The following KIAA0825 variants were observed in gnomAD, a reference collection of about 807,000 sequenced individuals.
KIAA0825 encodes KIAA0825, also known as uncharacterized protein KIAA0825.
KIAA0825 carries 119 observed loss-of-function variants against 147.6 expected under a neutral mutation model. That is an observed-to-expected ratio of 0.81 (90% confidence interval 0.69 to 0.94). The LOEUF (loss-of-function observed/expected upper bound fraction) is 0.94. KIAA0825 is among the 40% of genes least tolerant of loss of function. KIAA0825 has a pLI of 0.00. For synonymous variants in KIAA0825, 470 were observed against 518.1 expected (o/e 0.91, Z 1.26); for missense variants, 1,381 against 1,472.7 (o/e 0.94, Z 1.02).
At chr5:94,546,632 C>T (rs1049843587) in intron 2 of KIAA0825, among the ~76,000 whole-genome samples, 11 of 151,564 alleles carry the variant, frequency 7.3e-5, no homozygotes, top group African/African-American at 2.7e-4. Flanking sequence ...CAAAGATTAC[C>T]AAGGTGGTAC....
chr5:94,569,639 G>A (rs1052914077), intron 2 of KIAA0825: 13 of 359,724 alleles, frequency 3.6e-5, no homozygotes, highest in South Asian at 1.5e-4. Context: ...ATGAAACCTC[G>A]GCTCACTTCT....
At chr5:94,249,990 G>T (rs539934374) in intron 20 of KIAA0825, among the ~76,000 whole-genome samples, 2 of 152,126 alleles carry the variant, frequency 1.3e-5, no homozygotes, top group East Asian at 1.9e-4. Context: ...GAACAAACTA[G>T]ATTATTTACA....
chr5:94,499,979 C>T (rs1764873075), intron 5 of KIAA0825, among the ~76,000 whole-genome samples: 2 of 152,126 alleles, frequency 1.3e-5, no homozygotes, highest in Non-Finnish European at 2.9e-5. Flanking sequence ...AGAAATGACA[C>T]ATGAGCTGTC....
chr5:94,613,264 G>A lies in KIAA0825; in HGVS notation c.-153+5236C>T, dbSNP rs185439229. ...GGTTGGAGTGCGGTGACATGATCTC[G>A]GTTCACTGCAACATCCACCACCCGG... On this transcript the variant is annotated intron_variant, in intron 1 of 20. Transcript: ENST00000682413. Among the ~76,000 whole-genome samples the A allele has an allele frequency of 3.3e-5, 5 of 152,074 alleles. No homozygotes were observed. In the South Asian group the frequency reaches 6.2e-4, roughly 19 times the overall value.
At chr5:94,378,359 G>A (rs1372105470) in intron 20 of KIAA0825, among the ~76,000 whole-genome samples, 1 of 152,118 alleles carries the variant, frequency 6.6e-6, no homozygotes, top group Non-Finnish European at 1.5e-5. Context: ...AGCAGTATTT[G>A]GTTTTCTGTT....
intron 20 of KIAA0825, among the ~76,000 whole-genome samples, chr5:94,216,571 T>C (rs1436962170): frequency 6.6e-6 from 1 of 152,122 alleles, no homozygotes; most frequent in Non-Finnish European, 1.5e-5. Context: ...GACCCAGGGC[T>C]CCCGTTCATA....
At chr5:94,301,385 A>T (rs1778393970) in intron 20 of KIAA0825, among the ~76,000 whole-genome samples, 2 of 150,086 alleles carry the variant, frequency 1.3e-5, no homozygotes, top group Admixed American at 6.7e-5. Flanking sequence ...CTAATAAATA[A>T]ATATATATAT....
At chr5:94,334,087 A>G (rs569561607) in intron 20 of KIAA0825, among the ~76,000 whole-genome samples, 1 of 152,286 alleles carries the variant, frequency 6.6e-6, no homozygotes, top group South Asian at 2.1e-4. Flanking sequence ...TCTTCACAGA[A>G]TTAGAAGGAA....
At chr5:94,337,735 G>C (rs1023663516) in intron 20 of KIAA0825, among the ~76,000 whole-genome samples, 8 of 152,168 alleles carry the variant, frequency 5.3e-5, no homozygotes, top group Admixed American at 2.0e-4. Flanking sequence ...GGCCATGACA[G>C]GCTGGGGCAT....
At chr5:94,370,749 A>T (rs1024100028) in intron 20 of KIAA0825, among the ~76,000 whole-genome samples, 1 of 152,192 alleles carries the variant, frequency 6.6e-6, no homozygotes, top group Non-Finnish European at 1.5e-5. Flanking sequence ...TACTAAAAAA[A>T]TACAAAAAAA....
intron 5 of KIAA0825, among the ~76,000 whole-genome samples, chr5:94,500,051 G>A (rs1456002820): frequency 1.3e-5 from 2 of 152,116 alleles, no homozygotes; most frequent in East Asian, 1.9e-4. Flanking sequence ...TGGCACACGC[G>A]ACATCATGAG....
chr5:94,576,865 A>T (rs1781147255), intron 2 of KIAA0825, among the ~76,000 whole-genome samples: 1 of 152,208 alleles, frequency 6.6e-6, no homozygotes, highest in South Asian at 2.1e-4. Flanking sequence ...AGAGCTAATA[A>T]ATGAGATGAC....
At chr5:94,406,933 A>G (rs1441680078) in intron 15 of KIAA0825, among the ~76,000 whole-genome samples, 1 of 152,196 alleles carries the variant, frequency 6.6e-6, no homozygotes, top group African/African-American at 2.4e-5. Context: ...CCATATTCAA[A>G]TTAACTCAGT....
intron 20 of KIAA0825, among the ~76,000 whole-genome samples, chr5:94,258,409 A>G (rs1776344387): frequency 6.6e-6 from 1 of 151,962 alleles, no homozygotes; most frequent in Non-Finnish European, 1.5e-5. Flanking sequence ...GGCATTTGCC[A>G]ATAGAATAAG....
chr5:94,257,323 C>G (rs188808848), intron 20 of KIAA0825, among the ~76,000 whole-genome samples: 16 of 152,020 alleles, frequency 1.1e-4, no homozygotes, highest in African/African-American at 3.9e-4. Flanking sequence ...CAATCAAACA[C>G]ATCACTTCAG....
At chr5:94,593,310 T>A (rs772186880) in intron 1 of KIAA0825, 1 of 796,462 alleles carries the variant, frequency 1.3e-6, no homozygotes, top group Non-Finnish European at 2.3e-6. Flanking sequence ...ATATTGTCCA[T>A]AGGAACTTGG....
intron 20 of KIAA0825, among the ~76,000 whole-genome samples, chr5:94,227,203 AATATTATGCAGCC>A: frequency 6.6e-6 from 1 of 152,248 alleles, no homozygotes; most frequent in Non-Finnish European, 1.5e-5. Context: ...TACACCATGG[AATATTATGCAGCC>A]ATAAAAAATG....
chr5:94,439,873 T>C (rs1446893625), intron 14 of KIAA0825, 109 bp downstream of exon 14: 3 of 1,129,822 alleles, frequency 2.7e-6, no homozygotes, highest in Non-Finnish European at 2.5e-6. Context: ...TGTTGATACA[T>C]GCTATTGGTT....
At chr5:94,180,678 A>G (rs939969538) in intron 20 of KIAA0825, among the ~76,000 whole-genome samples, 6 of 152,066 alleles carry the variant, frequency 3.9e-5, no homozygotes, top group Non-Finnish European at 8.8e-5. Context: ...GGTCAGCCTA[A>G]TTTTTGTCCC....
Sources: gnomAD v4.1 joint callset for allele counts (sites outside exome capture counted in the v4.1 genomes callset) on GRCh38, gnomAD v4.1.1 for gene constraint, MANE v1.5 for transcripts, NCBI Gene and HGNC (gene_info 2026-07-23, HGNC 2026-07-21) for gene names.